Variants in POLD3 observed in about 807,000 individuals in gnomAD.
POLD3 encodes DNA polymerase delta 3, accessory subunit.
In POLD3, 19 loss-of-function variants were observed where a neutral mutation model predicts 58.2. The observed-to-expected ratio is 0.33, with a 90% CI of 0.23 to 0.48. POLD3 has a LOEUF of 0.48. Among genes scored for constraint, POLD3 ranks in the 20% least tolerant of loss-of-function variants. The pLI is 0.99. For synonymous variants in POLD3, 172 were observed against 193.5 expected, an observed-to-expected ratio of 0.89 and a Z score of 0.92; for missense variants, 504 against 545.5, an observed-to-expected ratio of 0.92 and a Z score of 0.76.
chr11:74,621,374 C>T lies in POLD3; in HGVS notation c.733+1285C>T, dbSNP rs540895805. On this transcript the variant is annotated intron_variant, in intron 7 of 11. Transcript: ENST00000263681. ...ATCTAATGCCTGATCTGAGGTGGAACGGTTTCATCCTGAAACCACCGCCCC... is the reference window on the plus strand; with the variant it reads ...ATCTAATGCCTGATCTGAGGTGGAATGGTTTCATCCTGAAACCACCGCCCC... Among the ~76,000 whole-genome samples, 24 of 152,006 alleles carry T rather than the reference C, an allele frequency of 1.6e-4. No individual in the cohort carries two copies. In the Middle Eastern group the frequency reaches 0.01, roughly 65 times the overall value.
chr11:74,640,294 A>G (rs1278717519), intron 11 of POLD3, among the ~76,000 whole-genome samples: 1 of 152,234 alleles, frequency 6.6e-6, no homozygotes, highest in Non-Finnish European at 1.5e-5. Context: ...TCACTGATAA[A>G]GGGCCATTTA....
At chr11:74,596,118 T>G (rs762784383) in intron 2 of POLD3, among the ~76,000 whole-genome samples, 2 of 148,674 alleles carry the variant, frequency 1.3e-5, no homozygotes, top group Non-Finnish European at 3.0e-5. Flanking sequence ...CCTCCCACCT[T>G]GGCCTCCCAA....
In POLD3 at chr11:74,642,868, T is replaced by C; in HGVS notation, c.*2102T>C. On this transcript the variant is annotated 3_prime_UTR_variant, in exon 12 of 12. Coordinates refer to ENST00000263681, the MANE Select transcript of POLD3 (RefSeq NM_006591.3). ...ATACCCACAGTCTGAGATGAACAAG[T>C]TATTTGCTGCCTTCATCGTTTTTTT... 1 of 985,126 alleles carries C rather than the reference T, an allele frequency of 1.0e-6. No individual in the cohort carries two copies. The highest frequency in any genetic ancestry group is 1.2e-6 in the Non-Finnish European group (1 of 829,676). 61.0% of individuals were successfully genotyped at this position (985,126 alleles called of 1,614,324 possible).
At chr11:74,595,856 C>G (rs939479290) in intron 2 of POLD3, among the ~76,000 whole-genome samples, 37 of 152,054 alleles carry the variant, frequency 2.4e-4, no homozygotes, top group African/African-American at 8.0e-4. Flanking sequence ...CTTGAATTCC[C>G]AGGCTCAAGC....
intron 4 of POLD3, among the ~76,000 whole-genome samples, chr11:74,663,791 A>C (rs2033233311): frequency 6.6e-6 from 1 of 152,218 alleles, no homozygotes; most frequent in African/African-American, 2.4e-5. Context: ...TCTGCTAAGC[A>C]AAAGACACCA....
chr11:74,604,621 C>T (rs1354636284), intron 2 of POLD3, 71 bp from the exon 3 acceptor site: 1 of 815,430 alleles, frequency 1.2e-6, no homozygotes, highest in Non-Finnish European at 2.1e-6. Flanking sequence ...TCTTTTAAGT[C>T]ATTAATTAAG....
At chr11:74,667,934 A>G (rs1447517360) in intron 4 of POLD3, among the ~76,000 whole-genome samples, 1 of 152,262 alleles carries the variant, frequency 6.6e-6, no homozygotes, top group African/African-American at 2.4e-5. Flanking sequence ...CAAAGAATAT[A>G]TACAAATGAC....
At chr11:74,663,829 A>G (rs77171984) in intron 4 of POLD3, among the ~76,000 whole-genome samples, 6 of 152,306 alleles carry the variant, frequency 3.9e-5, no homozygotes, top group Non-Finnish European at 8.8e-5. Context: ...AAACCATAGA[A>G]TGTGAGTTAG....
At position 74,642,875 on chromosome 11, in the gene POLD3, C is replaced by T; in HGVS notation, c.*2109C>T. The T allele has an allele frequency of 3.0e-6, 3 of 984,902 alleles. No individual in the cohort carries two copies. The highest frequency in any genetic ancestry group is 3.6e-6 in the Non-Finnish European group (3 of 829,464). The allele number at this position is 984,902 out of a possible 1,614,324, so 61.0% of individuals were successfully genotyped here. A position where few individuals can be genotyped will look rare whatever the true frequency, so the allele number is the denominator to read the frequency against. On this transcript the variant is annotated 3_prime_UTR_variant, in exon 12 of 12. Coordinates refer to ENST00000263681, the MANE Select transcript of POLD3 (RefSeq NM_006591.3). ...CAGTCTGAGATGAACAAGTTATTTG[C>T]TGCCTTCATCGTTTTTTTCAGCACT...
At chr11:74,655,448 C>T (rs1249445278) in intron 4 of POLD3, among the ~76,000 whole-genome samples, 1 of 152,130 alleles carries the variant, frequency 6.6e-6, no homozygotes, top group Non-Finnish European at 1.5e-5. Flanking sequence ...TCAACCAATA[C>T]TATGAAATAT....
intron 5 of POLD3, among the ~76,000 whole-genome samples, chr11:74,616,555 T>C (rs2032084962): frequency 6.6e-6 from 1 of 152,228 alleles, no homozygotes; most frequent in Non-Finnish European, 1.5e-5. Context: ...AAAACATTAC[T>C]CTTTTCCTTG....
intron 4 of POLD3, among the ~76,000 whole-genome samples, chr11:74,654,332 G>C (rs1019772190): frequency 6.6e-6 from 1 of 152,132 alleles, no homozygotes; most frequent in African/African-American, 2.4e-5. Flanking sequence ...AGAACAAGGA[G>C]TATTACCAGA....
chr11:74,617,885 A>AT (rs2032128544), intron 5 of POLD3, among the ~76,000 whole-genome samples: 1 of 151,872 alleles, frequency 6.6e-6, no homozygotes, highest in East Asian at 1.9e-4. Flanking sequence ...CACCCAACTA[A>AT]TTTTTGTATT....
chr11:74,663,940 G>A (rs530572203), intron 4 of POLD3, among the ~76,000 whole-genome samples: 1 of 152,132 alleles, frequency 6.6e-6, no homozygotes, highest in South Asian at 2.1e-4. Flanking sequence ...ATATTAAGAA[G>A]ACCCAATTAA....
intron 6 of POLD3, among the ~76,000 whole-genome samples, chr11:74,619,793 T>C (rs533595942): frequency 2.6e-5 from 4 of 152,354 alleles, no homozygotes; most frequent in Admixed American, 2.6e-4. Context: ...ATTAATTTTA[T>C]AAGATATATA....
At chr11:74,648,426 G>A (rs2033028019) in intron 4 of POLD3, among the ~76,000 whole-genome samples, 1 of 152,198 alleles carries the variant, frequency 6.6e-6, no homozygotes, top group Admixed American at 6.5e-5. Flanking sequence ...GTGTAAAGGA[G>A]GTGTGTGTCC....
At chr11:74,625,251 G>A (rs2032390164) in intron 7 of POLD3, among the ~76,000 whole-genome samples, 157 bp from the exon 8 acceptor site, 1 of 102,798 alleles carries the variant, frequency 9.7e-6, no homozygotes, top group Non-Finnish European at 1.9e-5. Flanking sequence ...TACAGTTAGA[G>A]TGGTAGTTGG....
intron 4 of POLD3, among the ~76,000 whole-genome samples, chr11:74,648,770 C>T (rs2033032569): frequency 2.6e-5 from 4 of 152,156 alleles, no homozygotes; most frequent in South Asian, 4.1e-4. Flanking sequence ...TGAATTTTAA[C>T]ATGTCAGATT....
chr11:74,656,132 C>A (rs2033130752), intron 4 of POLD3, among the ~76,000 whole-genome samples: 1 of 152,146 alleles, frequency 6.6e-6, no homozygotes, highest in Non-Finnish European at 1.5e-5. Context: ...ATATGTTCAA[C>A]ATCTCTACAC....
Sources: allele counts gnomAD v4.1 joint callset (sites outside exome capture counted in the v4.1 genomes callset), GRCh38; gene constraint gnomAD v4.1.1; transcripts MANE v1.5; gene names NCBI Gene and HGNC (gene_info 2026-07-23, HGNC 2026-07-21).